Variants in SCAF4 observed in about 807,000 individuals in gnomAD.
SCAF4 encodes SR-related and CTD-associated factor 4.
Under a neutral mutation model 129.8 loss-of-function variants are expected in SCAF4, and 25 were observed. That is an observed-to-expected ratio of 0.19 (90% confidence interval 0.14 to 0.27). The LOEUF (loss-of-function observed/expected upper bound fraction) is 0.27. SCAF4 is among the 10% of genes least tolerant of loss of function. The pLI, the probability that SCAF4 is intolerant of heterozygous loss-of-function variation, is 1.00. For synonymous variants in SCAF4, 551 were observed against 497.7 expected (o/e 1.11, Z -1.43); for missense variants, 1,246 against 1,457.1 (o/e 0.86, Z 2.36).
rs766327123 is a variant in SCAF4 at position 31,671,435 on chromosome 21, T to C, written c.3408A>G (p.Glu1136=). 16 of 1,613,956 alleles carry C rather than the reference T, an allele frequency of 9.9e-6. No individual in the cohort carries two copies. Among genetic ancestry groups the C allele is most frequent in the African/African-American group, 2.7e-5 (2 of 74,902 alleles). ...PAEATSSVEP[E]KDSGSAAEAP... ...CCTCTGCTGCTGAGCCAGAATCCTT[T>C]TCGGGTTCAACGGATGAGGTAGCCT... Residue 1136 remains glutamate, a synonymous_variant, in exon 20 of 20, where the codon GAA becomes GAG. Coordinates refer to ENST00000286835, the MANE Select transcript of SCAF4 (RefSeq NM_020706.2).
chr21:31,705,221 G>T (rs908719216), intron 3 of SCAF4, among the ~76,000 whole-genome samples: 2 of 152,170 alleles, frequency 1.3e-5, no homozygotes, highest in Non-Finnish European at 2.9e-5. Flanking sequence ...GCTGTGAGTT[G>T]AGTGCTAAGT....
Position 31,671,345 on chromosome 21 carries a change from T to C in SCAF4, c.*54A>G, listed in dbSNP as rs1472448883. On this transcript the variant is annotated 3_prime_UTR_variant, in exon 20 of 20. Transcript: ENST00000286835. The stretch of plus-strand genomic sequence containing the variant: ...GGATATAATACAGCATCTGTACACC[T>C]CAAGCTCTACACTCCAGGAAGTGTC... 3.8e-6 allele frequency: 6 copies of C among 1,568,914 alleles called. No individual in the cohort carries two copies. In the Admixed American group the frequency reaches 1.0e-4, roughly 27 times the overall value.
chr21:31,677,693 C>A (rs2049894267), intron 19 of SCAF4, among the ~76,000 whole-genome samples: 3 of 152,176 alleles, frequency 2.0e-5, no homozygotes, highest in African/African-American at 7.2e-5. Flanking sequence ...GATTATCTCC[C>A]TCTACATTTT....
chr21:31,687,191 AG>A (rs1255899279), intron 16 of SCAF4, among the ~76,000 whole-genome samples: 1 of 152,240 alleles, frequency 6.6e-6, no homozygotes, highest in Non-Finnish European at 1.5e-5. Context: ...AAACTGAGGA[AG>A]GAAGACAAGA....
Position 31,672,162 on chromosome 21 carries a change from G to A in SCAF4, c.2681C>T (p.Pro894Leu). The change falls in exon 20 of 20, where the codon CCA becomes CTA. Residue 894 changes from proline (P) to leucine (L), a missense_variant. Physicochemically the swap from Pro to Leu is moderately conservative, Grantham distance 98 (BLOSUM62 -3). Coordinates refer to ENST00000286835, the MANE Select transcript of SCAF4 (RefSeq NM_020706.2). ...HMMHRGPPPGPGGFAMPPPHG... is the reference protein window; with the variant it reads ...HMMHRGPPPGLGGFAMPPPHG... The stretch of plus-strand genomic sequence containing the variant: ...AGGTGGAGGCATCGCAAAGCCCCCT[G>A]GTCCTGGCGGTGGGCCTCTGTGCAT... The A allele has an allele frequency of 4.4e-6, 7 of 1,604,650 alleles. No homozygotes were observed. In the South Asian group the frequency reaches 7.7e-5, roughly 18 times the overall value.
At chr21:31,701,275 G>A in intron 6 of SCAF4, 104 bp from the exon 7 acceptor site, 1 of 974,122 alleles carries the variant, frequency 1.0e-6, no homozygotes, top group South Asian at 2.4e-5. Context: ...AAGTAGCATA[G>A]GCACAGAACA....
chr21:31,729,441 A>G (rs1213663931), intron 1 of SCAF4, among the ~76,000 whole-genome samples: 1 of 152,186 alleles, frequency 6.6e-6, no homozygotes, highest in African/African-American at 2.4e-5. Flanking sequence ...TATGTCCTCT[A>G]TTGGATTAGA....
intron 11 of SCAF4, among the ~76,000 whole-genome samples, chr21:31,693,814 GT>G (rs2050317290): frequency 6.6e-6 from 1 of 152,102 alleles, no homozygotes; most frequent in Admixed American, 6.6e-5. Flanking sequence ...TATCTTCTTA[GT>G]AAAGTCTTTT....
At chr21:31,727,088 C>A (rs2051224183) in intron 1 of SCAF4, among the ~76,000 whole-genome samples, 1 of 151,182 alleles carries the variant, frequency 6.6e-6, no homozygotes. Context: ...ACTTTTTTTT[C>A]TTTTTTTTAA....
chr21:31,696,005 A>G (rs1291306049), intron 9 of SCAF4, 108 bp downstream of exon 9: 1 of 628,368 alleles, frequency 1.6e-6, no homozygotes, highest in Non-Finnish European at 2.6e-6. Flanking sequence ...TATCAGAGAT[A>G]TAGTACGACT....
intron 1 of SCAF4, among the ~76,000 whole-genome samples, chr21:31,712,358 C>G (rs1344537144): frequency 1.3e-5 from 2 of 151,036 alleles, no homozygotes; most frequent in East Asian, 3.9e-4. Context: ...GCTGGGATTA[C>G]AGACGTGCAC....
At position 31,697,425 on chromosome 21, in the gene SCAF4, C is replaced by T. The variant is rs575753779; in HGVS notation, c.778-675G>A. Among the ~76,000 whole-genome samples, 20 of 152,274 alleles carry T rather than the reference C, an allele frequency of 1.3e-4. No individual in the cohort carries two copies. The South Asian group carries it at 4.1e-3, about 32-fold the overall frequency. ...TGCTTAAATACCTACTAATGTGTAT[C>T]AGATCATATAGACTTCATCACAAGA... On this transcript the variant is annotated intron_variant, in intron 7 of 19. Coordinates refer to ENST00000286835, the MANE Select transcript of SCAF4 (RefSeq NM_020706.2).
chr21:31,723,902 A>G (rs2051139707), intron 1 of SCAF4, among the ~76,000 whole-genome samples: 1 of 151,984 alleles, frequency 6.6e-6, no homozygotes, highest in African/African-American at 2.4e-5. Flanking sequence ...TCCACCTTTC[A>G]CTGAGCCCTG....
rs2050106416 is a variant in SCAF4, at chr21:31,685,754, A to G, written c.2044-21T>C. 1.3e-6 allele frequency: 2 copies of G among 1,552,214 alleles called. 1 individual carries two copies. The highest frequency in any genetic ancestry group is 4.0e-4 in the Middle Eastern group (2 of 5,026). On this transcript the variant is annotated intron_variant, in intron 16 of 19. Transcript: ENST00000286835. ...GGGACCTAGAAAGAAAGATAAAAGA[A>G]TAAACCACCTATCTAGACACCCTCC...
At chr21:31,691,728 C>T (rs905623546) in intron 14 of SCAF4, 89 bp downstream of exon 14, 1 of 465,424 alleles carries the variant, frequency 2.1e-6, no homozygotes, top group Non-Finnish European at 3.7e-6. Context: ...AAAGTCATTT[C>T]GAAGACCCAA....
Position 31,701,066 on chromosome 21 carries a change from T to G in SCAF4, c.706A>C (p.Thr236Pro). 1 of 1,614,116 alleles carries G rather than the reference T, an allele frequency of 6.2e-7. No individual in the cohort carries two copies. The highest frequency in any genetic ancestry group is 8.5e-7 in the Non-Finnish European group (1 of 1,180,004). The change falls in exon 7 of 20, where the codon ACA becomes CCA. Residue 236 changes from threonine (T) to proline (P), a missense_variant. Physicochemically the swap from Thr to Pro is conservative, Grantham distance 38. Around this residue, in one of 6 missense-constraint regions of SCAF4, gnomAD observed 143 missense variants for 161.0 expected, o/e 0.89. Coordinates refer to ENST00000286835, the MANE Select transcript of SCAF4 (RefSeq NM_020706.2). ...TGTTCAGATGGTTGTGTAGGAGTTGTCTTTAACTGAGCTGTGATAGCCTGA... is the reference window on the plus strand; with the variant it reads ...TGTTCAGATGGTTGTGTAGGAGTTGGCTTTAACTGAGCTGTGATAGCCTGA... ...QVQAITAQLKTTPTQPSEQKA... is the reference protein window; with the variant it reads ...QVQAITAQLKPTPTQPSEQKA...
intron 7 of SCAF4, among the ~76,000 whole-genome samples, chr21:31,699,402 G>C (rs959158694): frequency 1.3e-5 from 2 of 151,606 alleles, no homozygotes; most frequent in African/African-American, 4.8e-5. Context: ...GTTTATGTTC[G>C]TATGTGCATG....
intron 1 of SCAF4, 147 bp downstream of exon 1, chr21:31,731,516 G>A: frequency 1.1e-6 from 1 of 920,962 alleles, no homozygotes; most frequent in Middle Eastern, 3.2e-4. Flanking sequence ...CGGGCCACAG[G>A]CCCCGCTCCG....
Position 31,672,047 on chromosome 21 carries a change from C to CCCTGGG in SCAF4, c.2790_2795dup (p.Pro931_Gly932dup). The CCCTGGG allele has an allele frequency of 6.2e-7, 1 of 1,613,414 alleles. No homozygotes were observed. The highest frequency in any genetic ancestry group is 8.5e-7 in the Non-Finnish European group (1 of 1,179,686). ...GCCTTCCGTCTCTGTCTTCAGGACCCCCTGGGCCTGGCCCTGGGCCCCCGA... is the reference window on the plus strand; with the variant it reads ...GCCTTCCGTCTCTGTCTTCAGGACCCCCTGGGCCTGGGCCTGGCCCTGGGCCCCCGA... On this transcript the variant is annotated inframe_insertion, in exon 20 of 20. Transcript: ENST00000286835.
Sources: allele counts gnomAD v4.1 joint callset (sites outside exome capture counted in the v4.1 genomes callset), GRCh38; gene constraint gnomAD v4.1.1; regional missense constraint gnomAD v4.1.1; transcripts MANE v1.5; gene names NCBI Gene and HGNC (gene_info 2026-07-23, HGNC 2026-07-21).